The following SSX2IP variants were observed in gnomAD, a reference collection of about 807,000 sequenced individuals.
The protein encoded by SSX2IP is afadin- and alpha-actinin-binding protein.
Under a neutral mutation model 84.9 loss-of-function variants are expected in SSX2IP, and 55 were observed. The observed-to-expected ratio is 0.65, with a 90% CI of 0.52 to 0.81. The LOEUF (loss-of-function observed/expected upper bound fraction) is 0.81. Among genes scored for constraint, SSX2IP ranks in the 30% least tolerant of loss-of-function variants. The pLI is 0.00. For synonymous variants in SSX2IP, 239 were observed against 234.7 expected, an observed-to-expected ratio of 1.02 and a Z score of -0.17; for missense variants, 664 against 705.2, an observed-to-expected ratio of 0.94 and a Z score of 0.66.
At chr1:84,683,792 C>T (rs528341389) in intron 1 of SSX2IP, among the ~76,000 whole-genome samples, 4 of 152,288 alleles carry the variant, frequency 2.6e-5, no homozygotes, top group African/African-American at 9.6e-5. Context: ...TGATTGGTAA[C>T]AGCTCAGAGA....
In SSX2IP at chr1:84,645,838, C is replaced by T. The variant is rs554463531; in HGVS notation, c.*1595G>A. 3.1e-4 allele frequency: 47 copies of T among 152,250 alleles called. No homozygotes were observed. Among genetic ancestry groups the T allele is most frequent in the African/African-American group, 1.1e-3 (45 of 41,548 alleles). The allele number at this position is 152,250 out of a possible 1,614,324, so 9.4% of individuals were successfully genotyped here. A position where few individuals can be genotyped will look rare whatever the true frequency, so the allele number is the denominator to read the frequency against. ...AAATAGTAAAGAAGTGACCATGCAT[C>T]AAGCTGAAGGTAGTGACTAATGCTC... is the stretch of plus-strand genomic sequence containing the variant. On this transcript the variant is annotated 3_prime_UTR_variant, in exon 14 of 14. Coordinates refer to ENST00000342203, the MANE Select transcript of SSX2IP (RefSeq NM_001166293.2).
intron 1 of SSX2IP, among the ~76,000 whole-genome samples, chr1:84,685,544 G>C (rs565170118): frequency 6.6e-6 from 1 of 152,204 alleles, no homozygotes; most frequent in African/African-American, 2.4e-5. Context: ...AGAAACTGAG[G>C]CAACAGATTA....
At chr1:84,653,751 G>A (rs1015531359) in intron 11 of SSX2IP, among the ~76,000 whole-genome samples, 1 of 152,038 alleles carries the variant, frequency 6.6e-6, no homozygotes, top group Admixed American at 6.6e-5. Flanking sequence ...ACAGAATCAC[G>A]CATCACCAAA....
At chr1:84,668,750 T>C (rs1022832112) in intron 4 of SSX2IP, among the ~76,000 whole-genome samples, 116 of 151,724 alleles carry the variant, frequency 7.6e-4, no homozygotes, top group African/African-American at 2.7e-3. Flanking sequence ...AGATTCTGAG[T>C]GGGTTTTTTT....
At chr1:84,650,616 G>T in intron 12 of SSX2IP, 89 bp from the exon 13 acceptor site, 2 of 1,369,278 alleles carry the variant, frequency 1.5e-6, no homozygotes, top group Non-Finnish European at 1.0e-6. Context: ...ATTCATCTGC[G>T]GTTCTGAGTG....
intron 2 of SSX2IP, 106 bp from the exon 3 acceptor site, chr1:84,670,921 T>C (rs1653483099): frequency 2.4e-6 from 2 of 843,256 alleles, no homozygotes; most frequent in Non-Finnish European, 3.6e-6. Flanking sequence ...CATATAAACA[T>C]AGATATAATA....
intron 1 of SSX2IP, among the ~76,000 whole-genome samples, chr1:84,689,131 C>T (rs1054265746): frequency 2.0e-5 from 3 of 152,234 alleles, no homozygotes; most frequent in Admixed American, 6.5e-5. Flanking sequence ...CAAGTTTTGC[C>T]GACTGGATCC....
At chr1:84,665,758 G>A (rs761499268) in intron 5 of SSX2IP, among the ~76,000 whole-genome samples, 1 of 152,252 alleles carries the variant, frequency 6.6e-6, no homozygotes, top group Admixed American at 6.5e-5. Flanking sequence ...CATGCAAGAA[G>A]GGGCACCTCA....
At chr1:84,686,883 TAAG>T (rs1655873067) in intron 1 of SSX2IP, among the ~76,000 whole-genome samples, 1 of 151,912 alleles carries the variant, frequency 6.6e-6, no homozygotes. Flanking sequence ...GATCACCAAA[TAAG>T]AAAAGGAAAA....
intron 1 of SSX2IP, among the ~76,000 whole-genome samples, chr1:84,686,546 T>C (rs559787172): frequency 6.6e-6 from 1 of 152,194 alleles, no homozygotes; most frequent in Non-Finnish European, 1.5e-5. Flanking sequence ...GACATTCACA[T>C]GGGGATAAAC....
At chr1:84,689,521 A>G (rs1189772371) in intron 1 of SSX2IP, among the ~76,000 whole-genome samples, 1 of 152,202 alleles carries the variant, frequency 6.6e-6, no homozygotes, top group Non-Finnish European at 1.5e-5. Context: ...AGAAATCTCA[A>G]TTCTCTCAGA....
At chr1:84,688,445 G>C (rs1201937355) in intron 1 of SSX2IP, among the ~76,000 whole-genome samples, 1 of 152,192 alleles carries the variant, frequency 6.6e-6, no homozygotes, top group African/African-American at 2.4e-5. Context: ...TCCAATTTAA[G>C]CATGTTAAAT....
chr1:84,678,820 A>G (rs1399446743), intron 1 of SSX2IP, among the ~76,000 whole-genome samples: 3 of 152,246 alleles, frequency 2.0e-5, no homozygotes, highest in Non-Finnish European at 4.4e-5. Context: ...CACAAAGTAC[A>G]GTACTTTAAG....
intron 1 of SSX2IP, among the ~76,000 whole-genome samples, chr1:84,675,068 CAAAAGA>C (rs1224600663): frequency 6.6e-6 from 1 of 152,008 alleles, no homozygotes; most frequent in Non-Finnish European, 1.5e-5. Flanking sequence ...ATTTCAAAAG[CAAAAGA>C]AAAAGGTAAC....
chr1:84,670,056 CAAGT>C, intron 3 of SSX2IP, 163 bp from the exon 4 acceptor site: 1 of 554,278 alleles, frequency 1.8e-6, no homozygotes, highest in Non-Finnish European at 3.2e-6. Flanking sequence ...AATTGCTGAG[CAAGT>C]AAATTCTCAC....
chr1:84,673,302 T>C (rs970910444), intron 1 of SSX2IP, among the ~76,000 whole-genome samples: 5 of 152,084 alleles, frequency 3.3e-5, no homozygotes, highest in African/African-American at 1.2e-4. Context: ...GAAACCTAAA[T>C]GATACGGAGT....
At chr1:84,688,929 A>G (rs1024134143) in intron 1 of SSX2IP, among the ~76,000 whole-genome samples, 3 of 152,238 alleles carry the variant, frequency 2.0e-5, no homozygotes, top group Non-Finnish European at 4.4e-5. Flanking sequence ...TCACTAAAAG[A>G]GCCTTCGTTT....
At chr1:84,682,828 C>T (rs12080425) in intron 1 of SSX2IP, among the ~76,000 whole-genome samples, 4,113 of 152,220 alleles carry the variant, frequency 0.027, 194 homozygotes, top group African/African-American at 0.094. Flanking sequence ...TAACAATGTG[C>T]ACACATTGTC....
intron 10 of SSX2IP, 113 bp from the exon 11 acceptor site, chr1:84,656,118 A>C (rs187411761): frequency 9.5e-7 from 1 of 1,057,102 alleles, no homozygotes; most frequent in Admixed American, 2.8e-5. Context: ...AGAAATTATT[A>C]AGAATCAAAA....
Sources: allele counts gnomAD v4.1 joint callset (sites outside exome capture counted in the v4.1 genomes callset), GRCh38; gene constraint gnomAD v4.1.1; transcripts MANE v1.5; gene names NCBI Gene and HGNC (gene_info 2026-07-23, HGNC 2026-07-21).